The following COL15A1 variants were observed in gnomAD, a reference collection of about 807,000 sequenced individuals.
COL15A1 encodes the protein collagen alpha-1(XV) chain.
A neutral mutation model predicts 165.9 loss-of-function variants in COL15A1; 111 were observed. That is an observed-to-expected ratio of 0.67 (90% CI 0.57 to 0.78). The LOEUF is 0.78. Among genes scored for constraint, COL15A1 ranks in the 30% least tolerant of loss-of-function variants. The pLI is 0.00. For synonymous variants in COL15A1, 659 were observed against 674.8 expected (o/e 0.98, Z 0.36); for missense variants, 1,745 against 1,789.7 (o/e 0.98, Z 0.45).
At chr9:99,042,654 A>T (rs1839428396) in intron 24 of COL15A1, among the ~76,000 whole-genome samples, 1 of 152,230 alleles carries the variant, frequency 6.6e-6, no homozygotes, top group Non-Finnish European at 1.5e-5. Context: ...ATAATTAATG[A>T]GTAGAACAAA....
At chr9:99,058,937 T>C (rs1825769152) in intron 35 of COL15A1, among the ~76,000 whole-genome samples, 1 of 152,150 alleles carries the variant, frequency 6.6e-6, no homozygotes, top group South Asian at 2.1e-4. Context: ...ACACCCTTAA[T>C]TCTGCCAAGA....
intron 2 of COL15A1, among the ~76,000 whole-genome samples, chr9:98,946,322 C>A (rs1837582935): frequency 6.6e-6 from 1 of 152,152 alleles, no homozygotes; most frequent in South Asian, 2.1e-4. Flanking sequence ...CAGTCTGACT[C>A]CAGAGTCCTT....
intron 2 of COL15A1, among the ~76,000 whole-genome samples, chr9:98,985,069 G>A (rs1365426463): frequency 6.6e-6 from 1 of 152,142 alleles, no homozygotes; most frequent in Non-Finnish European, 1.5e-5. Context: ...TGGGATTTTA[G>A]GCGTGAGCCA....
intron 16 of COL15A1, among the ~76,000 whole-genome samples, chr9:99,030,193 A>G (rs1016468913): frequency 6.6e-6 from 1 of 152,224 alleles, no homozygotes; most frequent in African/African-American, 2.4e-5. Context: ...CGATGTTGTA[A>G]CAGACGGCAC....
intron 9 of COL15A1, among the ~76,000 whole-genome samples, chr9:99,009,464 G>A (rs529325221): frequency 9.3e-4 from 142 of 152,158 alleles, no homozygotes; most frequent in East Asian, 2.5e-3. Flanking sequence ...TTATTATATC[G>A]AATAAGCCAA....
intron 31 of COL15A1, among the ~76,000 whole-genome samples, chr9:99,052,819 C>T (rs977402636): frequency 1.2e-4 from 18 of 152,294 alleles, no homozygotes; most frequent in African/African-American, 4.1e-4. Flanking sequence ...AGTGAAACTA[C>T]TTTAAAAACA....
chr9:99,023,184 A>G (rs556180047), intron 13 of COL15A1, among the ~76,000 whole-genome samples, 173 bp from the exon 14 acceptor site: 5 of 152,196 alleles, frequency 3.3e-5, no homozygotes, highest in African/African-American at 1.2e-4. Flanking sequence ...GGCAAGAGAG[A>G]AGGGTAGCTG....
intron 2 of COL15A1, among the ~76,000 whole-genome samples, chr9:98,947,511 A>G (rs1212388032): frequency 6.6e-6 from 1 of 152,232 alleles, no homozygotes; most frequent in Non-Finnish European, 1.5e-5. Flanking sequence ...ATTTTATGGA[A>G]TGTAAGCTAT....
intron 2 of COL15A1, among the ~76,000 whole-genome samples, chr9:98,966,380 A>G (rs1299119448): frequency 6.6e-6 from 1 of 152,156 alleles, no homozygotes; most frequent in Non-Finnish European, 1.5e-5. Context: ...TCCACACAGG[A>G]GGACCAGGGA....
Position 99,024,277 on chromosome 9 carries a change from GTT to G in COL15A1, c.1855-591_1855-590del, listed in dbSNP as rs773196929. Among the ~76,000 whole-genome samples, 50 of 108,642 alleles carry G rather than the reference GTT, an allele frequency of 4.6e-4. 2 individuals are homozygous for G. In the South Asian group the frequency reaches 0.014, roughly 30 times the overall value. 71.3% of individuals were successfully genotyped at this position (108,642 alleles called of 152,430 possible). On this transcript the variant is annotated intron_variant, in intron 14 of 41. Coordinates refer to ENST00000375001, the MANE Select transcript of COL15A1 (RefSeq NM_001855.5). ...GGCTACACCACAAGCAGTTTTTTTTGTTTTTTTGTTTTTTTTTTTTTGAGATG... is the reference window on the plus strand; with the variant it reads ...GGCTACACCACAAGCAGTTTTTTTTGTTTTTGTTTTTTTTTTTTTGAGATG...
rs1310395500 is a variant in COL15A1 at position 99,066,979 on chromosome 9, A to G, written c.3749A>G (p.Tyr1250Cys). The G allele has an allele frequency of 1.2e-6, 2 of 1,614,130 alleles. No homozygotes were observed. The highest frequency in any genetic ancestry group is 2.2e-5 in the South Asian group (2 of 91,086). The change falls in exon 40 of 42, where the codon TAC (tyrosine) becomes TGC (cysteine). Residue 1250 changes from tyrosine to cysteine, a missense_variant. Coordinates refer to ENST00000375001, the MANE Select transcript of COL15A1 (RefSeq NM_001855.5). ...AGAGCTGCAGGACTGTTGTCCACCT[A>G]CCGAGCATTCTTATCTTCCCATTTG... ...QARAAGLLST[Y>C]RAFLSSHLQD...
intron 15 of COL15A1, among the ~76,000 whole-genome samples, chr9:99,025,258 G>A (rs543219152): frequency 1.3e-5 from 2 of 152,314 alleles, no homozygotes; most frequent in African/African-American, 4.8e-5. Flanking sequence ...CTTACGAATG[G>A]TTCAGCTTAA....
chr9:99,061,884 AGT>A, intron 36 of COL15A1, 85 bp from the exon 37 acceptor site: 2 of 1,440,054 alleles, frequency 1.4e-6, no homozygotes, highest in South Asian at 2.7e-5. Flanking sequence ...GACGGCTCCT[AGT>A]TGACTTTACA....
At chr9:98,973,304 C>T (rs999528351) in intron 2 of COL15A1, among the ~76,000 whole-genome samples, 2 of 152,000 alleles carry the variant, frequency 1.3e-5, no homozygotes, top group Non-Finnish European at 2.9e-5. Context: ...CTTCATTGAA[C>T]AGGAAAATTC....
intron 2 of COL15A1, among the ~76,000 whole-genome samples, chr9:98,951,000 T>C (rs1247808275): frequency 6.6e-6 from 1 of 152,142 alleles, no homozygotes; most frequent in Non-Finnish European, 1.5e-5. Flanking sequence ...ATGGGAAGCA[T>C]ATGAATCAGA....
chr9:99,008,118 C>G (rs1206683631), intron 9 of COL15A1, among the ~76,000 whole-genome samples: 1 of 152,010 alleles, frequency 6.6e-6, no homozygotes, highest in African/African-American at 2.4e-5. Context: ...ATATAGGCTC[C>G]TCTTTTTTTT....
intron 31 of COL15A1, among the ~76,000 whole-genome samples, chr9:99,053,353 G>A (rs968935879): frequency 7.9e-5 from 12 of 152,240 alleles, no homozygotes; most frequent in African/African-American, 2.9e-4. Context: ...CAAACTCTAT[G>A]CTTAGATTCA....
At chr9:99,042,583 A>G (rs890064455) in intron 24 of COL15A1, among the ~76,000 whole-genome samples, 7 of 152,216 alleles carry the variant, frequency 4.6e-5, no homozygotes, top group African/African-American at 1.7e-4. Context: ...CATAGCTCCA[A>G]TACTAATATG....
chr9:99,012,748 A>G (rs1055699099), intron 9 of COL15A1, among the ~76,000 whole-genome samples: 12 of 107,744 alleles, frequency 1.1e-4, no homozygotes, highest in African/African-American at 4.5e-4. Context: ...GTCTCCCTCT[A>G]TTGCCCAGGC....
Sources: gnomAD v4.1 joint callset for allele counts (sites outside exome capture counted in the v4.1 genomes callset) on GRCh38, gnomAD v4.1.1 for gene constraint, MANE v1.5 for transcripts, NCBI Gene and HGNC (gene_info 2026-07-23, HGNC 2026-07-21) for gene names.